The following KIF6 variants were observed in gnomAD, a reference collection of about 807,000 sequenced individuals.
KIF6 encodes the protein kinesin-like protein KIF6.
In KIF6, 106 loss-of-function variants were observed where a neutral mutation model predicts 112.7. The observed-to-expected ratio is 0.94, with a 90% confidence interval of 0.80 to 1.11. The LOEUF (loss-of-function observed/expected upper bound fraction) is 1.11. Among genes scored for constraint, KIF6 ranks in the 50% least tolerant of loss-of-function variants. The probability of loss-of-function intolerance (pLI) is 0.00; values close to 1 mark genes in which losing one functional copy is unlikely to be tolerated. For missense variants in KIF6, 929 were observed against 964.0 expected, an observed-to-expected ratio of 0.96 and a Z score of 0.48; for synonymous variants, 339 against 339.9, an observed-to-expected ratio of 1.00 and a Z score of 0.03.
intron 13 of KIF6, among the ~76,000 whole-genome samples, chr6:39,515,446 G>A (rs1777024352): frequency 6.6e-6 from 1 of 152,184 alleles, no homozygotes; most frequent in Admixed American, 6.5e-5. Context: ...TGCTGTTGTG[G>A]TCCAGATGTA....
intron 13 of KIF6, among the ~76,000 whole-genome samples, chr6:39,487,726 G>T (rs148031177): frequency 2.0e-3 from 303 of 152,270 alleles, no homozygotes; most frequent in Middle Eastern, 3.4e-3. Context: ...TTGCGAATGG[G>T]CAGTTTAGTG....
At chr6:39,694,459 T>A (rs975296053) in intron 3 of KIF6, among the ~76,000 whole-genome samples, 6 of 152,206 alleles carry the variant, frequency 3.9e-5, no homozygotes, top group Admixed American at 2.0e-4. Context: ...GATAAATGAC[T>A]TCAGCAAAGT....
At chr6:39,427,446 T>C (rs2150375723) in intron 14 of KIF6, among the ~76,000 whole-genome samples, 1 of 152,320 alleles carries the variant, frequency 6.6e-6, no homozygotes, top group Admixed American at 6.5e-5. Context: ...ACATGTAATA[T>C]CTAATAATTC....
At chr6:39,399,965 C>T (rs553579683) in intron 15 of KIF6, among the ~76,000 whole-genome samples, 39 of 152,318 alleles carry the variant, frequency 2.6e-4, no homozygotes, top group South Asian at 1.2e-3. Flanking sequence ...CCCTATAGCA[C>T]GAGAGCAGAT....
Position 39,357,319 on chromosome 6 carries a change from G to C in KIF6, c.2138C>G (p.Ser713Cys), listed in dbSNP as rs749280102. The change falls in exon 19 of 23, where the codon TCT (serine) becomes TGT (cysteine). Residue 713 changes from serine to cysteine, a missense_variant. Physicochemically the swap from Ser to Cys is moderately radical, Grantham distance 112. Transcript: ENST00000287152. ...TTGGGACCATTCATGCTGGGAGTCA[G>C]ATGTCTGGAGAAATGGCTTCGTGTG... The part of the protein sequence containing the change: ...LDHTKPFLQT[S>C]DSQHEWSQLL... 6.2e-7 allele frequency: 1 copy of C among 1,614,028 alleles called. No homozygotes were observed. Among genetic ancestry groups the C allele is most frequent in the Non-Finnish European group, 8.5e-7 (1 of 1,179,888 alleles).
intron 13 of KIF6, among the ~76,000 whole-genome samples, chr6:39,460,042 AT>A (rs1173033718): frequency 6.8e-6 from 1 of 147,374 alleles, no homozygotes; most frequent in Non-Finnish European, 1.5e-5. Flanking sequence ...CCAAATGACT[AT>A]AAATCATGCT....
intron 5 of KIF6, among the ~76,000 whole-genome samples, chr6:39,620,150 C>T (rs1260665359): frequency 6.6e-6 from 1 of 152,186 alleles, no homozygotes; most frequent in Non-Finnish European, 1.5e-5. Context: ...TCAGCCATAT[C>T]ATGTTCCTTC....
At chr6:39,506,410 AG>A (rs1776430736) in intron 13 of KIF6, among the ~76,000 whole-genome samples, 1 of 152,160 alleles carries the variant, frequency 6.6e-6, no homozygotes, top group African/African-American at 2.4e-5. Flanking sequence ...TAATACATGC[AG>A]GGCCTAAAAC....
chr6:39,486,901 A>G (rs1775145984), intron 13 of KIF6, among the ~76,000 whole-genome samples: 1 of 152,254 alleles, frequency 6.6e-6, no homozygotes, highest in South Asian at 2.1e-4. Context: ...ATGAAAATCT[A>G]TATCTGCATC....
At chr6:39,637,099 G>T (rs1477382210) in intron 4 of KIF6, among the ~76,000 whole-genome samples, 3 of 151,972 alleles carry the variant, frequency 2.0e-5, no homozygotes, top group African/African-American at 4.8e-5. Context: ...GGAGAATTCA[G>T]TATATGAATA....
At chr6:39,366,154 G>C (rs1765539711) in intron 16 of KIF6, among the ~76,000 whole-genome samples, 1 of 152,190 alleles carries the variant, frequency 6.6e-6, no homozygotes, top group Admixed American at 6.5e-5. Flanking sequence ...CACAAGCACA[G>C]AATGATAACA....
chr6:39,571,044 C>T (rs1379880501), intron 10 of KIF6, among the ~76,000 whole-genome samples: 2 of 152,160 alleles, frequency 1.3e-5, no homozygotes, highest in Non-Finnish European at 2.9e-5. Flanking sequence ...CACTTTTAAC[C>T]TTCCTCTGAA....
chr6:39,635,184 T>C (rs1453809265), intron 4 of KIF6, among the ~76,000 whole-genome samples: 1 of 152,086 alleles, frequency 6.6e-6, no homozygotes, highest in African/African-American at 2.4e-5. Context: ...CAGTCTGTTA[T>C]TTTTTATTGG....
chr6:39,548,679 C>A (rs900268468), intron 10 of KIF6, among the ~76,000 whole-genome samples: 5 of 152,164 alleles, frequency 3.3e-5, no homozygotes, highest in African/African-American at 1.2e-4. Context: ...CAAATGAACC[C>A]AAATTCCCCA....
chr6:39,415,111 C>T (rs1224315212), intron 15 of KIF6, among the ~76,000 whole-genome samples: 6 of 151,896 alleles, frequency 4.0e-5, no homozygotes, highest in African/African-American at 7.2e-5. Context: ...TGCTTGAACC[C>T]GGGAGGCAGA....
At chr6:39,546,554 A>C (rs985655350) in intron 10 of KIF6, among the ~76,000 whole-genome samples, 1 of 152,172 alleles carries the variant, frequency 6.6e-6, no homozygotes, top group Non-Finnish European at 1.5e-5. Context: ...GGCCGGGTAC[A>C]GTGGCTCACA....
chr6:39,499,075 C>T (rs975460224), intron 13 of KIF6, among the ~76,000 whole-genome samples: 4 of 152,226 alleles, frequency 2.6e-5, no homozygotes, highest in Non-Finnish European at 5.9e-5. Flanking sequence ...AAGACCTTTA[C>T]TCATTATTCA....
At chr6:39,580,255 T>A (rs1781211736) in intron 9 of KIF6, among the ~76,000 whole-genome samples, 1 of 152,108 alleles carries the variant, frequency 6.6e-6, no homozygotes, top group African/African-American at 2.4e-5. Context: ...GTTGACACTG[T>A]AAATAGAATT....
chr6:39,358,005 A>G (rs144803082), intron 18 of KIF6, among the ~76,000 whole-genome samples: 1 of 152,364 alleles, frequency 6.6e-6, no homozygotes, highest in Admixed American at 6.5e-5. Context: ...TTCTTCAAAA[A>G]TACTTTCTGG....
Sources: gnomAD v4.1 joint callset for allele counts (sites outside exome capture counted in the v4.1 genomes callset) on GRCh38, gnomAD v4.1.1 for gene constraint, MANE v1.5 for transcripts, NCBI Gene and HGNC (gene_info 2026-07-23, HGNC 2026-07-21) for gene names.